The following ANKRD62 variants were observed in gnomAD, a reference collection of about 807,000 sequenced individuals.
ANKRD62 encodes ankyrin repeat domain-containing protein 62.
A neutral mutation model predicts 98.8 loss-of-function variants in ANKRD62; 61 were observed. That is an observed-to-expected ratio of 0.62 (90% CI 0.50 to 0.76). The LOEUF (loss-of-function observed/expected upper bound fraction) is 0.76. Among genes scored for constraint, ANKRD62 ranks in the 30% least tolerant of loss-of-function variants. The probability of loss-of-function intolerance (pLI) is 0.00; values close to 1 mark genes in which losing one functional copy is unlikely to be tolerated. For missense variants in ANKRD62, 933 were observed against 1,082.9 expected (o/e 0.86, Z 1.94); for synonymous variants, 341 against 367.9 (o/e 0.93, Z 0.84).
In ANKRD62 at chr18:12,115,407, A is replaced by G. The variant is rs1223077054; in HGVS notation, c.1113A>G (p.Ile371Met). ...SNEKSKVKSQ[I>M]YFTDDLNDIS... ...TTATTTTATAGGTTAAAAGCCAAAT[A>G]TATTTCACGGATGACCTTAATGACA... The change falls in exon 10 of 14, where the codon ATA (isoleucine) becomes ATG (methionine). Residue 371 changes from isoleucine (I) to methionine (M), a missense_variant. Ile to Met is a conservative substitution (Grantham distance 10). Around this residue, in one of 3 missense-constraint regions of ANKRD62, gnomAD observed 549 missense variants for 587.9 expected, o/e 0.93. Coordinates refer to ENST00000587848, the MANE Select transcript of ANKRD62 (RefSeq NM_001277333.2). 4 of 1,534,696 alleles carry G rather than the reference A, an allele frequency of 2.6e-6. No individual in the cohort carries two copies. The South Asian group carries it at 3.6e-5, about 14-fold the overall frequency.
the ANKRD62 span, among the ~76,000 whole-genome samples, chr18:12,136,567 C>T: frequency 4.6e-5 from 7 of 152,056 alleles, no homozygotes; most frequent in Admixed American, 1.3e-4. Context: ...GTAGTTTTTT[C>T]CAATTCTGTG....
the ANKRD62 span, among the ~76,000 whole-genome samples, chr18:12,146,595 G>A: frequency 1.3e-5 from 2 of 152,248 alleles, no homozygotes; most frequent in East Asian, 1.9e-4. Flanking sequence ...ACAGGCATAG[G>A]CCAGCATGCC....
chr18:12,106,745 T>A (rs751931184), intron 7 of ANKRD62, among the ~76,000 whole-genome samples: 5 of 152,168 alleles, frequency 3.3e-5, no homozygotes, highest in Admixed American at 1.3e-4. Flanking sequence ...CAAATTTTGG[T>A]TCTTGTATTT....
At chr18:12,161,848 C>T in the ANKRD62 span, among the ~76,000 whole-genome samples, 9 of 152,126 alleles carry the variant, frequency 5.9e-5, no homozygotes, top group African/African-American at 2.2e-4. Flanking sequence ...TTGCAGATGA[C>T]AGGATCTCAC....
chr18:12,098,694 CG>C (rs1295741111), intron 5 of ANKRD62, among the ~76,000 whole-genome samples: 1 of 152,088 alleles, frequency 6.6e-6, no homozygotes, highest in Non-Finnish European at 1.5e-5. Flanking sequence ...TGAGTAAACT[CG>C]TGGTGTGTTG....
Position 12,107,298 on chromosome 18 carries a change from G to C in ANKRD62, c.895G>C (p.Glu299Gln). The C allele has an allele frequency of 6.7e-7, 1 of 1,488,358 alleles. No individual in the cohort carries two copies. Among genetic ancestry groups the C allele is most frequent in the East Asian group, 2.5e-5 (1 of 39,642 alleles). The allele number at this position is 1,488,358 out of a possible 1,614,324, so 92.2% of individuals were successfully genotyped here. Residue 299 changes from glutamate to glutamine, a missense_variant, in exon 8 of 14, where the codon GAA becomes CAA. Around this residue, in one of 3 missense-constraint regions of ANKRD62, gnomAD observed 549 missense variants for 587.9 expected, o/e 0.93. Coordinates refer to ENST00000587848, the MANE Select transcript of ANKRD62 (RefSeq NM_001277333.2). ...EGCESSQPQV[E>Q]EKMKKCRNKK... ...CAGTATGAAACTTTCATTGAAGGTT[G>C]AAGAAAAAATGAAGAAATGCAGAAA...
At chr18:12,109,585 G>A (rs796239439) in intron 8 of ANKRD62, among the ~76,000 whole-genome samples, 11 of 152,268 alleles carry the variant, frequency 7.2e-5, no homozygotes, top group African/African-American at 2.4e-4. Flanking sequence ...TTATAAAATT[G>A]TTGTTTTTCT....
chr18:12,150,849 T>C, the ANKRD62 span, among the ~76,000 whole-genome samples: 2 of 152,078 alleles, frequency 1.3e-5, no homozygotes, highest in South Asian at 4.1e-4. Flanking sequence ...AAAATGCACT[T>C]AAATACACAG....
chr18:12,145,920 A>C, the ANKRD62 span, among the ~76,000 whole-genome samples: 4 of 151,850 alleles, frequency 2.6e-5, no homozygotes, highest in East Asian at 7.8e-4. Flanking sequence ...GTTTCTCTTC[A>C]CTTTGTAGGA....
At chr18:12,178,326 A>G in the ANKRD62 span, among the ~76,000 whole-genome samples, 1 of 149,298 alleles carries the variant, frequency 6.7e-6, no homozygotes, top group South Asian at 2.1e-4. Flanking sequence ...CCACCAGAGC[A>G]TGGAGTGTGA....
the ANKRD62 span, among the ~76,000 whole-genome samples, chr18:12,158,027 C>G: frequency 3.2e-4 from 49 of 152,326 alleles, no homozygotes; most frequent in African/African-American, 1.1e-3. Context: ...GTTGGCTCCC[C>G]CTTCCAGCGT....
intron 10 of ANKRD62, among the ~76,000 whole-genome samples, chr18:12,119,351 T>C (rs1909736980): frequency 6.6e-6 from 1 of 151,518 alleles, no homozygotes. Context: ...TTCTTCTTTT[T>C]TTTTTTTTTT....
intron 8 of ANKRD62, among the ~76,000 whole-genome samples, chr18:12,111,232 G>T (rs1427959094): frequency 3.5e-5 from 5 of 144,832 alleles, no homozygotes; most frequent in Non-Finnish European, 6.0e-5. Context: ...CTTGGTGATA[G>T]AGCGAGACTG....
intron 10 of ANKRD62, among the ~76,000 whole-genome samples, chr18:12,119,337 G>A (rs1909735146): frequency 8.3e-6 from 1 of 121,044 alleles, no homozygotes; most frequent in Non-Finnish European, 1.6e-5. Context: ...TGGTGTTGCT[G>A]ATCTTCTTCT....
In ANKRD62 at chr18:12,099,626, T is replaced by C. The variant is rs1402126262; in HGVS notation, c.764T>C (p.Met255Thr). ...VASKFQAIRG[M>T]ISEYKANKRC... ...ATTTTGATACATAGCATTCGTGGAATGATTTCTGAATATAAAGCAAACAAG... is the reference window on the plus strand; with the variant it reads ...ATTTTGATACATAGCATTCGTGGAACGATTTCTGAATATAAAGCAAACAAG... The change falls in exon 6 of 14, where the codon ATG becomes ACG. Residue 255 changes from methionine (M) to threonine (T), a missense_variant. By Grantham distance (81) the Met-to-Thr change is moderately conservative. Coordinates refer to ENST00000587848, the MANE Select transcript of ANKRD62 (RefSeq NM_001277333.2). 2.0e-6 allele frequency: 3 copies of C among 1,490,382 alleles called. No individual in the cohort carries two copies. The African/African-American group carries it at 4.2e-5, about 21-fold the overall frequency. The allele number at this position is 1,490,382 out of a possible 1,614,324, so 92.3% of individuals were successfully genotyped here. A position where few individuals can be genotyped will look rare whatever the true frequency, so the allele number is the denominator to read the frequency against.
the ANKRD62 span, among the ~76,000 whole-genome samples, chr18:12,152,399 G>A: frequency 6.6e-6 from 1 of 152,122 alleles, no homozygotes; most frequent in Non-Finnish European, 1.5e-5. Context: ...GATCAAGTAG[G>A]CTTCATCCCT....
chr18:12,112,718 C>A (rs1951157698), intron 8 of ANKRD62, among the ~76,000 whole-genome samples: 3 of 152,166 alleles, frequency 2.0e-5, no homozygotes, highest in Non-Finnish European at 4.4e-5. Flanking sequence ...CAAATGGAAT[C>A]TAATTAAACT....
intron 7 of ANKRD62, 62 bp from the exon 8 acceptor site, chr18:12,107,233 A>G (rs996008382): frequency 6.3e-5 from 78 of 1,237,342 alleles, no homozygotes; most frequent in Non-Finnish European, 7.8e-5. Context: ...ATGAACACAA[A>G]AAAGTTCTTT....
At chr18:12,167,500 G>A in the ANKRD62 span, among the ~76,000 whole-genome samples, 2 of 152,274 alleles carry the variant, frequency 1.3e-5, no homozygotes, top group South Asian at 2.1e-4. Context: ...ATTCCATGGT[G>A]TATATGTGCC....
Sources: gnomAD v4.1 joint callset for allele counts (sites outside exome capture counted in the v4.1 genomes callset) on GRCh38, gnomAD v4.1.1 for gene constraint, gnomAD v4.1.1 regional missense constraint, MANE v1.5 for transcripts, NCBI Gene and HGNC (gene_info 2026-07-23, HGNC 2026-07-21) for gene names.